The following PHF8 variants were observed in gnomAD, a reference collection of about 807,000 sequenced individuals.
The protein encoded by PHF8 is histone lysine demethylase PHF8.
A neutral mutation model predicts 74.4 loss-of-function variants in PHF8; 9 were observed. That is an observed-to-expected ratio of 0.12 (90% CI 0.07 to 0.21). The LOEUF (loss-of-function observed/expected upper bound fraction) is 0.21. Ranked by LOEUF, PHF8 falls within the 10% of genes least tolerant of loss-of-function variation. The pLI is 1.00. For missense variants in PHF8, 478 were observed against 816.6 expected (o/e 0.59, Z 5.05); for synonymous variants, 311 against 316.6 (o/e 0.98, Z 0.19).
intron 2 of PHF8, among the ~76,000 whole-genome samples, chrX:54,028,848 C>G (rs1164349020): frequency 5.4e-5 from 6 of 111,953 alleles, no homozygotes; most frequent in African/African-American, 1.9e-4. Flanking sequence ...AGAACACTGA[C>G]TTTAGGTCCA....
chrX:54,045,945 G>GAT (rs60184418), upstream of PHF8, among the ~76,000 whole-genome samples: 223 of 21,561 alleles, frequency 0.01, no homozygotes, highest in East Asian at 0.037. Flanking sequence ...GATGGTTTAG[G>GAT]GTTTTTTTTT....
chrX:53,997,825 G>A (rs2065771181), intron 11 of PHF8, among the ~76,000 whole-genome samples: 1 of 111,687 alleles, frequency 9.0e-6, no homozygotes, highest in African/African-American at 3.3e-5. Context: ...GAGAGGTGTG[G>A]AGAAACAGAA....
intron 4 of PHF8, among the ~76,000 whole-genome samples, chrX:54,018,770 G>A (rs930871736): frequency 6.3e-5 from 7 of 110,487 alleles, no homozygotes; most frequent in Admixed American, 1.9e-4. Flanking sequence ...ACAGGCATGC[G>A]CCACCACGCC....
chrX:53,982,014 A>G (rs1213151568), intron 18 of PHF8, among the ~76,000 whole-genome samples: 2 of 112,338 alleles, frequency 1.8e-5, no homozygotes, highest in Non-Finnish European at 3.8e-5. Flanking sequence ...AATAAGAAAA[A>G]GTAGGGAGGT....
rs781838152 is a variant in PHF8 at position 53,999,953 on chromosome X, C to T, written c.1150G>A (p.Glu384Lys). Residue 384 changes from glutamate (E) to lysine (K), a missense_variant, in exon 11 of 22, where the codon GAG becomes AAG. Glu to Lys is a moderately conservative substitution (Grantham distance 56). Around this residue, in one of 9 missense-constraint regions of PHF8, gnomAD observed 70 missense variants for 234.1 expected, o/e 0.30. Transcript: ENST00000338154. ...TAGGAGGCAGGGTGTCTCCTGTTCTCTCGCAAACCTAAAGGAGGAAAGAGG... is the reference window on the plus strand; with the variant it reads ...TAGGAGGCAGGGTGTCTCCTGTTCTTTCGCAAACCTAAAGGAGGAAAGAGG... ...HILDIFRGLR[E>K]NRRHPASYLV... 1 of 1,175,085 alleles carries T rather than the reference C, an allele frequency of 8.5e-7. No homozygotes were observed. Among genetic ancestry groups the T allele is most frequent in the Admixed American group, 2.2e-5 (1 of 45,914 alleles).
intron 18 of PHF8, among the ~76,000 whole-genome samples, chrX:53,964,168 G>T (rs989483031): frequency 5.4e-5 from 6 of 110,420 alleles, no homozygotes; most frequent in African/African-American, 2.0e-4. Context: ...TCATTCATAA[G>T]TGAGAGTTGA....
intron 14 of PHF8, among the ~76,000 whole-genome samples, chrX:53,990,672 C>A (rs180837408): frequency 1.9e-3 from 208 of 111,545 alleles, no homozygotes; most frequent in African/African-American, 6.4e-3. Context: ...ATTTTCCACC[C>A]AGATGGGCCC....
At position 53,944,188 on chromosome X, in the gene PHF8, C is replaced by A; in HGVS notation, c.2595G>T (p.Arg865=). The change falls in exon 20 of 22, where the codon CGG becomes CGT. Residue 865 remains arginine, a synonymous_variant. Coordinates refer to ENST00000338154, the MANE Select transcript of PHF8 (RefSeq NM_015107.3). ...CCAAACCTGTCTCAATAGAGGCTAC[C>A]CGGGTCCCCTCACGCACAGGACGGT... The part of the protein sequence containing the change: ...KQDRPVREGT[R]VASIETGLAA... The A allele has an allele frequency of 1.7e-6, 2 of 1,210,244 alleles. No individual in the cohort carries two copies. The highest frequency in any genetic ancestry group is 2.2e-6 in the Non-Finnish European group (2 of 894,711).
chrX:54,046,351 G>A (rs1557117494), upstream of PHF8, among the ~76,000 whole-genome samples: 2 of 109,644 alleles, frequency 1.8e-5, no homozygotes, highest in East Asian at 2.9e-4. Context: ...TTGGGAGGCC[G>A]AGGCGGGCGG....
At chrX:54,028,440 T>C (rs2066304401) in intron 2 of PHF8, among the ~76,000 whole-genome samples, 1 of 111,058 alleles carries the variant, frequency 9.0e-6, no homozygotes, top group Non-Finnish European at 1.9e-5. Context: ...TGAACTCTTT[T>C]TCTCCTGCCC....
Position 54,042,616 on chromosome X carries a change from G to C in PHF8, c.98+15C>G, listed in dbSNP as rs1399113238. 3.3e-5 allele frequency: 40 copies of C among 1,195,939 alleles called. No homozygotes were observed. The highest frequency in any genetic ancestry group is 4.4e-5 in the Non-Finnish European group (39 of 884,629). Reference sequence around the variant, plus strand: ...TGGCCACCGCACCCTGTGTAGCCTGGCCTGCCCTCCTTACCTGCCATGAAA... The same window carrying C: ...TGGCCACCGCACCCTGTGTAGCCTGCCCTGCCCTCCTTACCTGCCATGAAA... On this transcript the variant is annotated intron_variant, in intron 2 of 21. Coordinates refer to ENST00000338154, the MANE Select transcript of PHF8 (RefSeq NM_015107.3).
rs1220384084 is a variant in PHF8 at position 53,937,834 on chromosome X, C to A, written c.*1324G>T. Reference sequence around the variant, plus strand: ...AAGGGTACACTCCACTTGGGTAGTGCCAAATGGAGGTGGGGGGATGTTCTC... The same window carrying A: ...AAGGGTACACTCCACTTGGGTAGTGACAAATGGAGGTGGGGGGATGTTCTC... On this transcript the variant is annotated 3_prime_UTR_variant, in exon 22 of 22. Transcript: ENST00000338154. 1 of 489,820 alleles carries A rather than the reference C, an allele frequency of 2.0e-6. No homozygotes were observed. Among genetic ancestry groups the A allele is most frequent in the Non-Finnish European group, 3.5e-6 (1 of 286,500 alleles). 40.4% of individuals were successfully genotyped at this position (489,820 alleles called of 1,213,427 possible). A position where few individuals can be genotyped will look rare whatever the true frequency, so the allele number is the denominator to read the frequency against.
chrX:53,985,649 G>A, intron 17 of PHF8, 167 bp downstream of exon 17: 1 of 860,223 alleles, frequency 1.2e-6, no homozygotes, highest in Non-Finnish European at 1.7e-6. Context: ...AGTTCCTTAG[G>A]AGTGGTTTCA....
chrX:54,037,942 A>T (rs1306582138), intron 2 of PHF8, among the ~76,000 whole-genome samples: 2 of 112,712 alleles, frequency 1.8e-5, no homozygotes, highest in Non-Finnish European at 3.7e-5. Flanking sequence ...ATTTGAACCC[A>T]GATCTGAAAT....
intron 12 of PHF8, among the ~76,000 whole-genome samples, 168 bp downstream of exon 12, chrX:53,995,525 G>T (rs781844612): frequency 1.7e-4 from 19 of 112,052 alleles, no homozygotes; most frequent in South Asian, 3.7e-4. Flanking sequence ...CCCAATGTGC[G>T]GCACACTTGA....
At chrX:53,987,993 G>GA in intron 14 of PHF8, 49 bp from the exon 15 acceptor site, 1 of 969,257 alleles carries the variant, frequency 1.0e-6, no homozygotes, top group Non-Finnish European at 1.5e-6. Flanking sequence ...ATTGTTAGTC[G>GA]CTAGCAAGAT....
At chrX:54,012,252 A>G (rs2065995312) in intron 7 of PHF8, among the ~76,000 whole-genome samples, 1 of 111,907 alleles carries the variant, frequency 8.9e-6, no homozygotes, top group South Asian at 3.7e-4. Context: ...GAGAGAATAT[A>G]ATAAAATGGT....
At chrX:53,998,287 C>T (rs2149845873) in intron 11 of PHF8, among the ~76,000 whole-genome samples, 1 of 109,233 alleles carries the variant, frequency 9.2e-6, no homozygotes, top group South Asian at 4.0e-4. Context: ...AACCCCGTCT[C>T]TATTAAAAAT....
intron 19 of PHF8, among the ~76,000 whole-genome samples, chrX:53,957,554 A>C (rs186410285): frequency 1.4e-4 from 15 of 111,095 alleles, no homozygotes; most frequent in Non-Finnish European, 1.7e-4. Context: ...AACAAACAAA[A>C]AAACCCTCAT....
Sources: gnomAD v4.1 joint callset for allele counts (sites outside exome capture counted in the v4.1 genomes callset) on GRCh38, gnomAD v4.1.1 for gene constraint, gnomAD v4.1.1 regional missense constraint, MANE v1.5 for transcripts, NCBI Gene and HGNC (gene_info 2026-07-23, HGNC 2026-07-21) for gene names.